The following PCDHGA4 variants were observed in gnomAD, a reference collection of about 807,000 sequenced individuals.
PCDHGA4 encodes protocadherin gamma subfamily A, 4, also known as protocadherin gamma-A4.
PCDHGA4 carries 38 observed loss-of-function variants against 54.6 expected under a neutral mutation model. The ratio of observed to expected loss-of-function variants is 0.70; its 90% CI spans 0.54 to 0.91. The LOEUF is 0.91. Among genes scored for constraint, PCDHGA4 ranks in the 40% least tolerant of loss-of-function variants. The pLI, the probability that PCDHGA4 is intolerant of heterozygous loss-of-function variation, is 0.00. For synonymous variants in PCDHGA4, 511 were observed against 512.9 expected, an observed-to-expected ratio of 1.00 and a Z score of 0.05; for missense variants, 1,298 against 1,220.9, an observed-to-expected ratio of 1.06 and a Z score of -0.94.
intron 1 of PCDHGA4, chr5:141,370,476 G>A: frequency 6.2e-7 from 1 of 1,613,686 alleles, no homozygotes; most frequent in Non-Finnish European, 8.5e-7. Flanking sequence ...GTTAGACCAG[G>A]CTCTCTCCGA....
chr5:141,415,657 G>C, intron 1 of PCDHGA4: 1 of 1,576,238 alleles, frequency 6.3e-7, no homozygotes, highest in Non-Finnish European at 8.6e-7. Context: ...AAAAAAGATT[G>C]GTTTTTACTT....
chr5:141,502,028 G>A (rs561260963), intron 2 of PCDHGA4, among the ~76,000 whole-genome samples: 62 of 152,150 alleles, frequency 4.1e-4, no homozygotes, highest in African/African-American at 1.5e-3. Flanking sequence ...TGCAACCCCC[G>A]CCGCTTGCCT....
chr5:141,440,902 G>C (rs138147244), intron 1 of PCDHGA4: 1 of 152,110 alleles, frequency 6.6e-6, no homozygotes, highest in Admixed American at 6.6e-5. Context: ...ATGTGCATCC[G>C]GGCACTCCTG....
At chr5:141,438,282 T>C (rs915347472) in intron 1 of PCDHGA4, among the ~76,000 whole-genome samples, 1 of 151,630 alleles carries the variant, frequency 6.6e-6, no homozygotes, top group African/African-American at 2.4e-5. Context: ...CAAAATAATT[T>C]AATCTGTATG....
Position 141,476,447 on chromosome 5 carries a change from G to A in PCDHGA4, c.2515-18360G>A. 2 of 1,614,130 alleles carry A rather than the reference G, an allele frequency of 1.2e-6. No homozygotes were observed. The highest frequency in any genetic ancestry group is 1.7e-6 in the Non-Finnish European group (2 of 1,180,026). On this transcript the variant is annotated intron_variant, in intron 1 of 3. Transcript: ENST00000571252. This position sits in a 1 kb window ranked among gnomAD's most constrained non-coding sequence, Gnocchi z 7.6. ...CTCTTGCACTGTAACTCTGGAGTTGGTAGTGGAGAACCCGCTGGAGCTGTT... is the reference window on the plus strand; with the variant it reads ...CTCTTGCACTGTAACTCTGGAGTTGATAGTGGAGAACCCGCTGGAGCTGTT...
intron 1 of PCDHGA4, among the ~76,000 whole-genome samples, chr5:141,456,707 G>A (rs1198079338): frequency 6.6e-6 from 1 of 152,208 alleles, no homozygotes; most frequent in African/African-American, 2.4e-5. Context: ...GCTCGCGCCT[G>A]TAATCCCAGC....
chr5:141,408,728 C>A lies in PCDHGA4; in HGVS notation c.2514+51107C>A, dbSNP rs371316574. 3.7e-6 allele frequency: 6 copies of A among 1,610,174 alleles called. No individual in the cohort carries two copies. In the African/African-American group the frequency reaches 8.0e-5, roughly 22 times the overall value. ...TAAAGATTATAAGATAAACTCTAATCCTTATTTTTCATTAATGGTTAGAGT... is the reference window on the plus strand; with the variant it reads ...TAAAGATTATAAGATAAACTCTAATACTTATTTTTCATTAATGGTTAGAGT... On this transcript the variant is annotated intron_variant, in intron 1 of 3. Transcript: ENST00000571252.
intron 1 of PCDHGA4, chr5:141,418,535 G>A: frequency 6.2e-7 from 1 of 1,614,002 alleles, no homozygotes. Context: ...AAGCGGTACT[G>A]CTCAGATAAG....
In PCDHGA4 at chr5:141,357,295, G is replaced by A. The variant is rs774772455; in HGVS notation, c.2188G>A (p.Ala730Thr). 1.4e-5 allele frequency: 23 copies of A among 1,613,810 alleles called. No individual in the cohort carries two copies. In the African/African-American group the frequency reaches 2.5e-4, roughly 18 times the overall value. ...ACTCTATCTCGTGGTGGCAGTGGCC[G>A]CTGTCTCCTGCGTCTTCCTGGCTTT... ...LTLYLVVAVAAVSCVFLAFVT... is the reference protein window; with the variant it reads ...LTLYLVVAVATVSCVFLAFVT... Residue 730 changes from alanine to threonine, a missense_variant, in exon 1 of 4, where the codon GCT (alanine) becomes ACT (threonine). Transcript: ENST00000571252.
chr5:141,408,782 T>G (rs1561715407), intron 1 of PCDHGA4: 1 of 1,612,108 alleles, frequency 6.2e-7, no homozygotes, highest in East Asian at 2.2e-5. Flanking sequence ...ATACCCAGAG[T>G]TATCTCTGGA....
At chr5:141,494,922 C>T (rs1401836511) in intron 2 of PCDHGA4, 57 bp downstream of exon 2, 23 of 1,613,670 alleles carry the variant, frequency 1.4e-5, no homozygotes, top group Non-Finnish European at 1.9e-5. Flanking sequence ...TCAGGGATGA[C>T]GTGGGAGGAG....
rs775918752 is a variant in PCDHGA4 at position 141,375,143 on chromosome 5, A to G, written c.2514+17522A>G. On this transcript the variant is annotated intron_variant, in intron 1 of 3. Transcript: ENST00000571252. Reference sequence around the variant, plus strand: ...AGAAGTGGTTGTTACATCTGGAAGCAGAACAATTGCTGAAAGTGCACCTCC... The same window carrying G: ...AGAAGTGGTTGTTACATCTGGAAGCGGAACAATTGCTGAAAGTGCACCTCC... 20 of 1,613,992 alleles carry G rather than the reference A, an allele frequency of 1.2e-5. No homozygotes were observed. The Admixed American group carries it at 2.8e-4, about 23-fold the overall frequency.
At chr5:141,405,145 G>T (rs772542898) in intron 1 of PCDHGA4, 1 of 1,614,070 alleles carries the variant, frequency 6.2e-7, no homozygotes, top group Non-Finnish European at 8.5e-7. Context: ...CCAGTGATGG[G>T]TTGGCTGGTG....
chr5:141,497,825 C>T (rs1015168533), intron 2 of PCDHGA4, among the ~76,000 whole-genome samples: 3 of 152,154 alleles, frequency 2.0e-5, no homozygotes, highest in Admixed American at 6.5e-5. Context: ...CAGGTGTGAT[C>T]GCCCCCGGCC....
intron 1 of PCDHGA4, among the ~76,000 whole-genome samples, chr5:141,457,836 C>T (rs1418402508): frequency 6.6e-6 from 1 of 152,202 alleles, no homozygotes; most frequent in African/African-American, 2.4e-5. Context: ...GCTTCCAGAC[C>T]TGTTAGAAAG....
Position 141,485,856 on chromosome 5 carries a change from T to C in PCDHGA4, c.2515-8951T>C. ...CCGCCGAGATCTGGCACCGCAGAGC[T>C]CCGGGTATCCGTGCTGGACGTAAAC... is the stretch of plus-strand genomic sequence containing the variant. On this transcript the variant is annotated intron_variant, in intron 1 of 3. Coordinates refer to ENST00000571252, the MANE Select transcript of PCDHGA4 (RefSeq NM_018917.4). The surrounding 1 kb of genome is among the most constrained non-coding windows in gnomAD (Gnocchi z 5.7). 1 of 1,614,108 alleles carries C rather than the reference T, an allele frequency of 6.2e-7. No individual in the cohort carries two copies. The highest frequency in any genetic ancestry group is 8.5e-7 in the Non-Finnish European group (1 of 1,180,014).
rs779656906 is a variant in PCDHGA4 at position 141,476,872 on chromosome 5, C to T, written c.2515-17935C>T. On this transcript the variant is annotated intron_variant, in intron 1 of 3. Transcript: ENST00000571252. The surrounding 1 kb of genome is among the most constrained non-coding windows in gnomAD (Gnocchi z 7.6). ...TCAACCAGTCCTTGTACCGGGCGCG[C>T]GTCCTGGAGGATGCACCCTCCGGCA... 1.6e-4 allele frequency: 254 copies of T among 1,613,734 alleles called. No individual in the cohort carries two copies. The highest frequency in any genetic ancestry group is 2.1e-4 in the Non-Finnish European group (248 of 1,180,054).
rs1594666821 is a variant in PCDHGA4, at chr5:141,487,316, T to C, written c.2515-7491T>C. 6.2e-7 allele frequency: 1 copy of C among 1,614,164 alleles called. No individual in the cohort carries two copies. Among genetic ancestry groups the C allele is most frequent in the South Asian group, 1.1e-5 (1 of 91,080 alleles). On this transcript the variant is annotated intron_variant, in intron 1 of 3. Coordinates refer to ENST00000571252, the MANE Select transcript of PCDHGA4 (RefSeq NM_018917.4). This position sits in a 1 kb window ranked among gnomAD's most constrained non-coding sequence, Gnocchi z 5.0. ...CTCATTCGTGGCACTACTCTCTAAG[T>C]GTCTTCGTGGGGCAGCCTGTGGAGT... is the stretch of plus-strand genomic sequence containing the variant.
At position 141,487,128 on chromosome 5, in the gene PCDHGA4, G is replaced by A; in HGVS notation, c.2515-7679G>A. The A allele has an allele frequency of 6.2e-7, 1 of 1,614,086 alleles. No individual in the cohort carries two copies. ...GTCATTGTGGTAAAGGATAGTGGTA[G>A]TCCACCACTCTCTACCTCTGTTACT... is the stretch of plus-strand genomic sequence containing the variant. On this transcript the variant is annotated intron_variant, in intron 1 of 3. Transcript: ENST00000571252. This position sits in a 1 kb window ranked among gnomAD's most constrained non-coding sequence, Gnocchi z 5.0.
Sources: allele counts gnomAD v4.1 joint callset (sites outside exome capture counted in the v4.1 genomes callset), GRCh38; gene constraint gnomAD v4.1.1; non-coding constraint Gnocchi (gnomAD v3.1); transcripts MANE v1.5; gene names NCBI Gene and HGNC (gene_info 2026-07-23, HGNC 2026-07-21).